The following ATP8A2 variants were observed in gnomAD, a reference collection of about 807,000 sequenced individuals.
ATP8A2 encodes the protein phospholipid-transporting ATPase IB.
ATP8A2 carries 100 observed loss-of-function variants against 165.6 expected under a neutral mutation model. That is an observed-to-expected ratio of 0.60 (90% CI 0.51 to 0.71). The LOEUF (loss-of-function observed/expected upper bound fraction) is 0.71, where lower values mean the gene tolerates loss of function less well. ATP8A2 is among the 30% of genes least tolerant of loss of function. ATP8A2 has a pLI of 0.00. For synonymous variants in ATP8A2, 543 were observed against 548.8 expected, an observed-to-expected ratio of 0.99 and a Z score of 0.15; for missense variants, 1,227 against 1,479.5, an observed-to-expected ratio of 0.83 and a Z score of 2.80.
At chr13:25,862,607 G>A (rs1952391471) in intron 33 of ATP8A2, among the ~76,000 whole-genome samples, 199 bp downstream of exon 33, 6 of 152,146 alleles carry the variant, frequency 3.9e-5, no homozygotes, top group Admixed American at 3.9e-4. Context: ...CACAGAAAAG[G>A]CATTTGAAGT....
intron 1 of ATP8A2, among the ~76,000 whole-genome samples, chr13:25,450,383 C>A (rs1344332581): frequency 1.3e-5 from 2 of 152,086 alleles, no homozygotes; most frequent in South Asian, 2.1e-4. Flanking sequence ...GTCTTTAGAT[C>A]TTTGAGGAAT....
intron 19 of ATP8A2, among the ~76,000 whole-genome samples, chr13:25,576,606 C>G (rs774334289): frequency 1.3e-5 from 2 of 151,948 alleles, no homozygotes; most frequent in Non-Finnish European, 2.9e-5. Flanking sequence ...TGGGAGTGTT[C>G]TGCGGGTTTG....
intron 24 of ATP8A2, among the ~76,000 whole-genome samples, chr13:25,684,508 A>G (rs1471675417): frequency 6.6e-6 from 1 of 152,218 alleles, no homozygotes; most frequent in Non-Finnish European, 1.5e-5. Flanking sequence ...ACTGTTGTGA[A>G]TGAAAATAAT....
At chr13:25,591,901 G>A (rs1247237636) in intron 24 of ATP8A2, among the ~76,000 whole-genome samples, 2 of 152,160 alleles carry the variant, frequency 1.3e-5, no homozygotes, top group Non-Finnish European at 2.9e-5. Context: ...CATATACCCA[G>A]AAGTGGAGTT....
intron 30 of ATP8A2, among the ~76,000 whole-genome samples, chr13:25,851,774 A>C (rs1290760111): frequency 6.6e-6 from 1 of 152,160 alleles, no homozygotes; most frequent in African/African-American, 2.4e-5. Flanking sequence ...AGTTTGTCTC[A>C]TGTAAAGGCC....
chr13:25,392,535 T>C (rs2137975720), intron 1 of ATP8A2, among the ~76,000 whole-genome samples: 1 of 152,340 alleles, frequency 6.6e-6, no homozygotes, highest in African/African-American at 2.4e-5. Context: ...ATGTTAAATA[T>C]ATTCTTTTAA....
chr13:25,689,993 A>G (rs1328062679), intron 24 of ATP8A2, among the ~76,000 whole-genome samples: 2 of 152,246 alleles, frequency 1.3e-5, no homozygotes, highest in East Asian at 3.8e-4. Context: ...AACAGTATTC[A>G]AGAATCTGTT....
At chr13:25,632,566 A>G (rs1275971892) in intron 24 of ATP8A2, among the ~76,000 whole-genome samples, 1 of 152,162 alleles carries the variant, frequency 6.6e-6, no homozygotes, top group Non-Finnish European at 1.5e-5. Context: ...CACACACATT[A>G]CAGACCCCCC....
intron 24 of ATP8A2, among the ~76,000 whole-genome samples, chr13:25,616,179 T>C (rs1435586955): frequency 1.3e-5 from 2 of 152,112 alleles, no homozygotes; most frequent in African/African-American, 4.8e-5. Context: ...AATGCTGGAA[T>C]TGAACTTTCT....
intron 33 of ATP8A2, among the ~76,000 whole-genome samples, chr13:25,892,492 C>G (rs1217132237): frequency 6.6e-6 from 1 of 151,454 alleles, no homozygotes; most frequent in Non-Finnish European, 1.5e-5. Context: ...CTCTCTCTCT[C>G]TCTCTCTCTC....
At chr13:25,753,986 A>G (rs1160506202) in intron 25 of ATP8A2, among the ~76,000 whole-genome samples, 1 of 152,194 alleles carries the variant, frequency 6.6e-6, no homozygotes, top group African/African-American at 2.4e-5. Flanking sequence ...TGCACTTAGC[A>G]TGGTGTCTGT....
chr13:25,468,232 G>A (rs181915162), intron 1 of ATP8A2, among the ~76,000 whole-genome samples: 2 of 152,298 alleles, frequency 1.3e-5, no homozygotes, highest in East Asian at 3.9e-4. Context: ...CTTGAGCTAG[G>A]CTGGCTTGCC....
intron 1 of ATP8A2, among the ~76,000 whole-genome samples, chr13:25,390,304 G>T (rs575368932): frequency 2.0e-5 from 3 of 152,044 alleles, no homozygotes; most frequent in Non-Finnish European, 4.4e-5. Context: ...CATTTTTTTG[G>T]CTTTTTAAAA....
chr13:25,375,825 C>T (rs1047186365), intron 1 of ATP8A2, among the ~76,000 whole-genome samples: 1 of 152,140 alleles, frequency 6.6e-6, no homozygotes, highest in African/African-American at 2.4e-5. Flanking sequence ...CCCACCTCGA[C>T]CTCCCTAAGT....
At chr13:25,557,778 A>G (rs181470276) in intron 13 of ATP8A2, among the ~76,000 whole-genome samples, 1 of 152,336 alleles carries the variant, frequency 6.6e-6, no homozygotes, top group African/African-American at 2.4e-5. Flanking sequence ...AGTTCATCCT[A>G]ATTGAGGATA....
chr13:25,530,982 T>C (rs1422594252), intron 4 of ATP8A2, among the ~76,000 whole-genome samples: 1 of 152,030 alleles, frequency 6.6e-6, no homozygotes, highest in African/African-American at 2.4e-5. Flanking sequence ...TTGTCTAGGA[T>C]GGCAGCATTG....
At chr13:25,465,707 C>CTTTCTTTCTTTCTTTCTTTCTTTCT (rs2035629335) in intron 1 of ATP8A2, among the ~76,000 whole-genome samples, 1 of 22,824 alleles carries the variant, frequency 4.4e-5, no homozygotes, top group Non-Finnish European at 9.9e-5. Context: ...TTCTTTCTTT[C>CTTTCTTTCTTTCTTTCTTTCTTTCT]TTTCTTTCTT....
chr13:25,602,482 A>G (rs932114517), intron 24 of ATP8A2, among the ~76,000 whole-genome samples: 2 of 152,168 alleles, frequency 1.3e-5, no homozygotes, highest in Non-Finnish European at 2.9e-5. Flanking sequence ...TTCCTGGCAT[A>G]GATTTAAGAC....
At chr13:25,847,848 C>T (rs1042674816) in intron 30 of ATP8A2, among the ~76,000 whole-genome samples, 5 of 152,094 alleles carry the variant, frequency 3.3e-5, no homozygotes, top group African/African-American at 4.8e-5. Context: ...CAACCAAGCC[C>T]GAGCCCACAC....
Sources: gnomAD v4.1 joint callset for allele counts (sites outside exome capture counted in the v4.1 genomes callset) on GRCh38, gnomAD v4.1.1 for gene constraint, MANE v1.5 for transcripts, NCBI Gene and HGNC (gene_info 2026-07-23, HGNC 2026-07-21) for gene names.